The following ANAPC1 variants were observed in gnomAD, a reference collection of about 807,000 sequenced individuals.
ANAPC1 encodes the protein anaphase promoting complex subunit 1, also known as anaphase-promoting complex subunit 1.
Under a neutral mutation model 208.0 loss-of-function variants are expected in ANAPC1, and 36 were observed. The ratio of observed to expected loss-of-function variants is 0.17; its 90% CI spans 0.13 to 0.23. The LOEUF is 0.23. ANAPC1 is among the 10% of genes least tolerant of loss of function. The probability of loss-of-function intolerance (pLI) is 1.00; values close to 1 mark genes in which losing one functional copy is unlikely to be tolerated. For missense variants in ANAPC1, 942 were observed against 2,011.6 expected (o/e 0.47, Z 10.17); for synonymous variants, 378 against 695.2 (o/e 0.54, Z 7.18).
chr2:111,857,210 T>C (rs1314294697), intron 11 of ANAPC1: 12 of 280,592 alleles, frequency 4.3e-5, no homozygotes, highest in Non-Finnish European at 7.5e-5. Context: ...ACATGTCAAA[T>C]TGATGAAATT....
chr2:111,823,148 T>C (rs1679635653), intron 24 of ANAPC1, among the ~76,000 whole-genome samples: 2 of 151,056 alleles, frequency 1.3e-5, no homozygotes, highest in Non-Finnish European at 3.0e-5. Context: ...TAGCTGGGAC[T>C]ACAGGCGCCC....
chr2:111,835,057 C>T (rs533964749), intron 18 of ANAPC1, among the ~76,000 whole-genome samples, 185 bp from the exon 19 acceptor site: 2 of 149,588 alleles, frequency 1.3e-5, no homozygotes, highest in African/African-American at 4.9e-5. Flanking sequence ...CAGTTATAAA[C>T]GTTAAGGCAA....
intron 24 of ANAPC1, among the ~76,000 whole-genome samples, chr2:111,824,493 C>T (rs1391166323): frequency 6.6e-6 from 1 of 152,062 alleles, no homozygotes; most frequent in Non-Finnish European, 1.5e-5. Context: ...ATATAGAACT[C>T]TTTTCCTTCC....
chr2:111,861,970 G>A (rs1431803117), intron 10 of ANAPC1, among the ~76,000 whole-genome samples: 9 of 132,170 alleles, frequency 6.8e-5, no homozygotes, highest in East Asian at 2.2e-4. Context: ...GCAGTGGCAC[G>A]ATCTCAGCTC....
intron 46 of ANAPC1, among the ~76,000 whole-genome samples, chr2:111,773,186 C>G (rs1044877215): frequency 6.6e-6 from 1 of 152,108 alleles, no homozygotes; most frequent in South Asian, 2.1e-4. Flanking sequence ...AGATGCAACT[C>G]GAGCCAGAAA....
At chr2:111,861,360 C>A (rs564734361) in intron 10 of ANAPC1, among the ~76,000 whole-genome samples, 1 of 152,314 alleles carries the variant, frequency 6.6e-6, no homozygotes, top group South Asian at 2.1e-4. Context: ...CAGGTGTGAG[C>A]CACTGCGCCT....
At chr2:111,837,202 A>G (rs1680516835) in intron 18 of ANAPC1, among the ~76,000 whole-genome samples, 1 of 152,274 alleles carries the variant, frequency 6.6e-6, no homozygotes, top group South Asian at 2.1e-4. Flanking sequence ...TGCTGAATAA[A>G]TCTTATACCA....
intron 13 of ANAPC1, among the ~76,000 whole-genome samples, chr2:111,851,303 A>G (rs1175362642): frequency 6.6e-6 from 1 of 152,108 alleles, no homozygotes; most frequent in African/African-American, 2.4e-5. Context: ...GGGTTTCACC[A>G]TGTTATCCAG....
chr2:111,873,568 T>C lies in ANAPC1; in HGVS notation c.427+45A>G. On this transcript the variant is annotated intron_variant, in intron 4 of 47. Coordinates refer to ENST00000341068, the MANE Select transcript of ANAPC1 (RefSeq NM_022662.4). ...AATGAAAAATACAATGAGATAAATA[T>C]TTGGAATCATCATAAGAAAAATAAA... 11 of 1,516,862 alleles carry C rather than the reference T, an allele frequency of 7.3e-6. No individual in the cohort carries two copies. In the South Asian group the frequency reaches 1.4e-4, roughly 20 times the overall value. The allele number at this position is 1,516,862 out of a possible 1,614,324, so 94.0% of individuals were successfully genotyped here. A position where few individuals can be genotyped will look rare whatever the true frequency, so the allele number is the denominator to read the frequency against.
chr2:111,816,848 C>G (rs1355930130), intron 27 of ANAPC1, among the ~76,000 whole-genome samples: 14 of 120,862 alleles, frequency 1.2e-4, no homozygotes, highest in African/African-American at 4.5e-4. Flanking sequence ...TTACTATATG[C>G]TTTTTGTACC....
In ANAPC1 at chr2:111,831,328, A is replaced by C; in HGVS notation, c.2583T>G (p.Pro861=). 1.2e-6 allele frequency: 2 copies of C among 1,611,906 alleles called. No individual in the cohort carries two copies. The highest frequency in any genetic ancestry group is 1.1e-5 in the South Asian group (1 of 90,964). ...CLKGEGMPPY[P]YLPGICERSR... ...TTCTTTCACAGATTCCAGGGAGGTAAGGATAAGGTGGCATTCCTTCACCCT... is the reference window on the plus strand; with the variant it reads ...TTCTTTCACAGATTCCAGGGAGGTACGGATAAGGTGGCATTCCTTCACCCT... The change falls in exon 21 of 48, where the codon CCT becomes CCG. Residue 861 remains proline, a synonymous_variant. Transcript: ENST00000341068.
intron 1 of ANAPC1, among the ~76,000 whole-genome samples, chr2:111,883,139 C>A (rs1416507486): frequency 1.4e-5 from 2 of 139,172 alleles, no homozygotes; most frequent in African/African-American, 5.4e-5. Context: ...GCACTCCAGC[C>A]TAGGAGACAG....
At chr2:111,830,694 A>G (rs1379175430) in intron 21 of ANAPC1, among the ~76,000 whole-genome samples, 1 of 152,240 alleles carries the variant, frequency 6.6e-6, no homozygotes. Context: ...ACAATGAGGT[A>G]TAACTACACA....
At chr2:111,773,350 G>A (rs1400831830) in intron 46 of ANAPC1, among the ~76,000 whole-genome samples, 4 of 152,256 alleles carry the variant, frequency 2.6e-5, no homozygotes, top group South Asian at 2.1e-4. Context: ...ATTACCATCC[G>A]AAAAATGCAC....
In ANAPC1 at chr2:111,775,318, C is replaced by T. The variant is rs779474174; in HGVS notation, c.5584+1541G>A. Among the ~76,000 whole-genome samples, 49 of 152,174 alleles carry T rather than the reference C, an allele frequency of 3.2e-4. 2 individuals carry two copies. Among genetic ancestry groups the T allele is most frequent in the Non-Finnish European group, 1.2e-4 (8 of 68,032 alleles). On this transcript the variant is annotated intron_variant, in intron 46 of 47. Transcript: ENST00000341068. The stretch of plus-strand genomic sequence containing the variant: ...ATATAATATAAATTGGCTGCATTTT[C>T]AGATTAGTGTAGTGATTTAATGGGT...
intron 19 of ANAPC1, among the ~76,000 whole-genome samples, chr2:111,834,057 T>C (rs560184297): frequency 6.6e-6 from 1 of 152,244 alleles, no homozygotes; most frequent in East Asian, 1.9e-4. Flanking sequence ...AACTATCTTA[T>C]TGTGGATCTA....
intron 9 of ANAPC1, among the ~76,000 whole-genome samples, chr2:111,862,891 A>G (rs1345605971): frequency 6.6e-6 from 1 of 152,198 alleles, no homozygotes; most frequent in East Asian, 1.9e-4. Context: ...GCTCTAAACT[A>G]TGTCCCTGTA....
chr2:111,771,357 G>T (rs557045586), intron 47 of ANAPC1, among the ~76,000 whole-genome samples: 34 of 152,120 alleles, frequency 2.2e-4, no homozygotes, highest in African/African-American at 8.0e-4. Flanking sequence ...TCAAGGGAAA[G>T]GTATATCCAG....
intron 11 of ANAPC1, among the ~76,000 whole-genome samples, chr2:111,857,560 G>A (rs1681802092): frequency 6.6e-6 from 1 of 152,206 alleles, no homozygotes; most frequent in Non-Finnish European, 1.5e-5. Flanking sequence ...CAAGGATAAA[G>A]AGACATTAAC....
Sources: allele counts gnomAD v4.1 joint callset (sites outside exome capture counted in the v4.1 genomes callset), GRCh38; gene constraint gnomAD v4.1.1; transcripts MANE v1.5; gene names NCBI Gene and HGNC (gene_info 2026-07-23, HGNC 2026-07-21).